Variants in KLHL32 observed in about 807,000 individuals in gnomAD.
The protein encoded by KLHL32 is kelch-like protein 32.
Under a neutral mutation model 64.8 loss-of-function variants are expected in KLHL32, and 35 were observed. That is an observed-to-expected ratio of 0.54 (90% confidence interval 0.41 to 0.72). The LOEUF is 0.72. Ranked by LOEUF, KLHL32 falls within the 30% of genes least tolerant of loss-of-function variation. The pLI is 0.00. For missense variants in KLHL32, 589 were observed against 768.5 expected (o/e 0.77, Z 2.76); for synonymous variants, 259 against 281.0 (o/e 0.92, Z 0.78).
chr6:96,933,227 C>T (rs896306075), intron 1 of KLHL32, among the ~76,000 whole-genome samples: 1 of 152,156 alleles, frequency 6.6e-6, no homozygotes, highest in African/African-American at 2.4e-5. Flanking sequence ...TCCCTTACCC[C>T]TCAAAACACG....
At chr6:97,097,777 T>C (rs2128192605) in intron 6 of KLHL32, among the ~76,000 whole-genome samples, 1 of 152,336 alleles carries the variant, frequency 6.6e-6, no homozygotes, top group Middle Eastern at 3.4e-3. Context: ...CCATTCCGAT[T>C]GTGCAGTGGG....
chr6:97,063,732 T>A (rs1338585725), intron 4 of KLHL32, among the ~76,000 whole-genome samples: 1 of 152,188 alleles, frequency 6.6e-6, no homozygotes, highest in Non-Finnish European at 1.5e-5. Context: ...CCCAAGAGTT[T>A]GCAGTTTAAT....
Position 97,031,754 on chromosome 6 carries a change from T to C in KLHL32, c.205-9738T>C, listed in dbSNP as rs563241974. Among the ~76,000 whole-genome samples the C allele has an allele frequency of 2.0e-5, 3 of 152,286 alleles. No homozygotes were observed. In the East Asian group the frequency reaches 5.8e-4, roughly 29 times the overall value. On this transcript the variant is annotated intron_variant, in intron 3 of 10. Coordinates refer to ENST00000369261, the MANE Select transcript of KLHL32 (RefSeq NM_052904.4). ...TCCATAAAGTAGAAGTCTAGGAGTA[T>C]GTTGCAAAAGTAAAGTCCTGAAGCC...
At chr6:97,105,445 G>A (rs1157679675) in intron 6 of KLHL32, 4 of 471,010 alleles carry the variant, frequency 8.5e-6, no homozygotes, top group Non-Finnish European at 1.8e-5. Flanking sequence ...ATTTGCAGAA[G>A]TGTGGAATTT....
intron 1 of KLHL32, among the ~76,000 whole-genome samples, chr6:96,927,930 A>G (rs34700687): frequency 0.13 from 20,025 of 152,226 alleles, 1,583 homozygotes; most frequent in East Asian, 0.26. Context: ...CAATGACTCT[A>G]TAAAGTGGGC....
chr6:96,914,854 G>A, the KLHL32 span: 4 of 152,182 alleles, frequency 2.6e-5, no homozygotes, highest in East Asian at 7.8e-4. Context: ...CTGTTCCCGG[G>A]AGGTGACCAT....
chr6:96,964,994 C>T (rs1774293826), intron 1 of KLHL32, among the ~76,000 whole-genome samples: 1 of 152,162 alleles, frequency 6.6e-6, no homozygotes, highest in Non-Finnish European at 1.5e-5. Context: ...TTAGCCCATG[C>T]CCCCAGTCCC....
At position 96,924,800 on chromosome 6, in the gene KLHL32, G is replaced by GACACACAC. The variant is rs1768930902; in HGVS notation, c.-292_-291insACACACAC. ...GCAGTCGCGCGCACACACGCACGCA[G>GACACACAC]GCACACACACACACACACACACACA... On this transcript the variant is annotated 5_prime_UTR_variant, in exon 1 of 11. Coordinates refer to ENST00000369261, the MANE Select transcript of KLHL32 (RefSeq NM_052904.4). 1.4e-5 allele frequency: 1 copy of GACACACAC among 73,402 alleles called. No individual in the cohort carries two copies. The highest frequency in any genetic ancestry group is 2.6e-5 in the Non-Finnish European group (1 of 38,670). The allele number at this position is 73,402 out of a possible 1,614,324, so 4.5% of individuals were successfully genotyped here. A position where few individuals can be genotyped will look rare whatever the true frequency, so the allele number is the denominator to read the frequency against.
chr6:97,045,482 A>ATT (rs147462598), intron 4 of KLHL32, among the ~76,000 whole-genome samples: 36 of 150,834 alleles, frequency 2.4e-4, no homozygotes, highest in African/African-American at 7.3e-4. Flanking sequence ...TGAAATAGTA[A>ATT]TTTTTTTTTT....
At chr6:96,954,406 A>G (rs968914593) in intron 1 of KLHL32, among the ~76,000 whole-genome samples, 1 of 151,526 alleles carries the variant, frequency 6.6e-6, no homozygotes, top group Non-Finnish European at 1.5e-5. Flanking sequence ...AGAGAAAAAA[A>G]ACTGGCTGGA....
chr6:97,088,668 A>C (rs1793786481), intron 6 of KLHL32, among the ~76,000 whole-genome samples: 1 of 152,224 alleles, frequency 6.6e-6, no homozygotes, highest in Non-Finnish European at 1.5e-5. Context: ...ATCATTTCCC[A>C]GTGTATATGC....
intron 3 of KLHL32, among the ~76,000 whole-genome samples, chr6:97,012,325 A>G (rs1282988552): frequency 6.6e-6 from 1 of 152,246 alleles, no homozygotes; most frequent in Non-Finnish European, 1.5e-5. Context: ...AAGAGTCAGC[A>G]GAGTCACAGT....
intron 6 of KLHL32, among the ~76,000 whole-genome samples, chr6:97,108,499 C>T (rs1796701994): frequency 6.6e-6 from 1 of 152,174 alleles, no homozygotes; most frequent in Admixed American, 6.5e-5. Flanking sequence ...TTCCCTCCAC[C>T]AGCATGGCAG....
intron 3 of KLHL32, among the ~76,000 whole-genome samples, chr6:96,985,013 A>G (rs56956763): frequency 0.013 from 1,070 of 80,758 alleles, 25 homozygotes; most frequent in African/African-American, 0.056. Flanking sequence ...GCTGGTACCA[A>G]TTGTTCCTTT....
At chr6:96,952,754 G>A (rs1198716302) in intron 1 of KLHL32, among the ~76,000 whole-genome samples, 1 of 152,198 alleles carries the variant, frequency 6.6e-6, no homozygotes, top group East Asian at 1.9e-4. Flanking sequence ...CACAAGATTT[G>A]TGACTTCCCC....
At position 97,006,323 on chromosome 6, in the gene KLHL32, A is replaced by AT. The variant is rs550556269; in HGVS notation, c.204+30147dup. Among the ~76,000 whole-genome samples, 7 of 152,276 alleles carry AT rather than the reference A, an allele frequency of 4.6e-5. No homozygotes were observed. The South Asian group carries it at 1.4e-3, about 32-fold the overall frequency. On this transcript the variant is annotated intron_variant, in intron 3 of 10. Coordinates refer to ENST00000369261, the MANE Select transcript of KLHL32 (RefSeq NM_052904.4). ...ATAGTCTTTTTTGCCTGATACTAGA[A>AT]TAGAAAGCTCTGCTCTTTTCTGTTT...
At chr6:96,926,038 C>G (rs1451004478) in intron 1 of KLHL32, among the ~76,000 whole-genome samples, 1 of 151,958 alleles carries the variant, frequency 6.6e-6, no homozygotes, top group Non-Finnish European at 1.5e-5. Flanking sequence ...CCTGGGCTGT[C>G]AGTTTTGTTT....
At chr6:96,941,333 A>T (rs1329850318) in intron 1 of KLHL32, among the ~76,000 whole-genome samples, 2 of 152,162 alleles carry the variant, frequency 1.3e-5, no homozygotes, top group Non-Finnish European at 2.9e-5. Flanking sequence ...CCAAATACTA[A>T]GGCTTCTCTC....
At chr6:97,018,580 G>A (rs1245244224) in intron 3 of KLHL32, among the ~76,000 whole-genome samples, 4 of 147,108 alleles carry the variant, frequency 2.7e-5, no homozygotes, top group African/African-American at 7.5e-5. Context: ...CAGCCTGGAC[G>A]ACAGAGCAAG....
Sources: allele counts gnomAD v4.1 joint callset (sites outside exome capture counted in the v4.1 genomes callset), GRCh38; gene constraint gnomAD v4.1.1; transcripts MANE v1.5; gene names NCBI Gene and HGNC (gene_info 2026-07-23, HGNC 2026-07-21).